Variants in FGF14 observed in about 807,000 individuals in gnomAD.
The protein encoded by FGF14 is fibroblast growth factor homologous factor 4.
A neutral mutation model predicts 25.5 loss-of-function variants in FGF14; 5 were observed. That is an observed-to-expected ratio of 0.20 (90% CI 0.10 to 0.41). The LOEUF (loss-of-function observed/expected upper bound fraction) is 0.41, where lower values mean the gene tolerates loss of function less well. Among genes scored for constraint, FGF14 ranks in the 10% least tolerant of loss-of-function variants. FGF14 has a pLI of 1.00. For missense variants in FGF14, 222 were observed against 320.1 expected (o/e 0.69, Z 2.34); for synonymous variants, 138 against 118.3 (o/e 1.17, Z -1.08).
intron 3 of FGF14, among the ~76,000 whole-genome samples, chr13:101,727,601 A>G (rs1230382186): frequency 6.6e-6 from 1 of 152,180 alleles, no homozygotes; most frequent in Non-Finnish European, 1.5e-5. Flanking sequence ...TACAATTATT[A>G]TTAATGTCAG....
chr13:102,094,734 C>T (rs952792539), intron 1 of FGF14, among the ~76,000 whole-genome samples: 1 of 152,146 alleles, frequency 6.6e-6, no homozygotes, highest in Non-Finnish European at 1.5e-5. Context: ...ACAATGAGAA[C>T]CCTTTTTCTG....
intron 1 of FGF14, among the ~76,000 whole-genome samples, chr13:102,332,760 T>C (rs572500043): frequency 6.6e-6 from 1 of 152,290 alleles, no homozygotes; most frequent in South Asian, 2.1e-4. Context: ...TTTTTACTTA[T>C]AAGTTTCTTA....
At chr13:102,332,255 A>G (rs2056655915) in intron 1 of FGF14, among the ~76,000 whole-genome samples, 1 of 152,182 alleles carries the variant, frequency 6.6e-6, no homozygotes, top group South Asian at 2.1e-4. Flanking sequence ...CTATTTCAAT[A>G]AATAGAAAAA....
chr13:102,382,989 T>C (rs1049565581), intron 1 of FGF14, among the ~76,000 whole-genome samples: 7 of 152,146 alleles, frequency 4.6e-5, no homozygotes, highest in Admixed American at 3.9e-4. Flanking sequence ...GGGATTTCTT[T>C]TTTAAGTTGA....
At chr13:102,341,810 G>C (rs1405010786) in intron 1 of FGF14, among the ~76,000 whole-genome samples, 1 of 152,156 alleles carries the variant, frequency 6.6e-6, no homozygotes, top group African/African-American at 2.4e-5. Flanking sequence ...ATACCAGATA[G>C]GTGCCCTGGA....
chr13:102,004,320 T>C (rs992063560), intron 1 of FGF14, among the ~76,000 whole-genome samples: 1 of 152,166 alleles, frequency 6.6e-6, no homozygotes, highest in Admixed American at 6.5e-5. Context: ...CAGAATGTTA[T>C]GTTCAATGCA....
chr13:102,110,420 T>C (rs1230173697), intron 1 of FGF14, among the ~76,000 whole-genome samples: 2 of 152,146 alleles, frequency 1.3e-5, no homozygotes, highest in Non-Finnish European at 2.9e-5. Context: ...GGATCTCCAG[T>C]GGTCTGCAGA....
At chr13:101,834,914 T>G (rs1418451636) in intron 3 of FGF14, among the ~76,000 whole-genome samples, 1 of 152,124 alleles carries the variant, frequency 6.6e-6, no homozygotes, top group Non-Finnish European at 1.5e-5. Context: ...AAGCAAATTC[T>G]GTAAATATTA....
At position 101,916,351 on chromosome 13, in the gene FGF14, G is replaced by A. The variant is rs139433889; in HGVS notation, c.193+102C>T. The A allele has an allele frequency of 3.7e-3, 5,331 of 1,425,762 alleles. 164 individuals are homozygous for A. In the African/African-American group the frequency reaches 0.063, roughly 17 times the overall value. 88.3% of individuals were successfully genotyped at this position (1,425,762 alleles called of 1,614,324 possible). A position where few individuals can be genotyped will look rare whatever the true frequency, so the allele number is the denominator to read the frequency against. ...GCTCAGAAGGGAGGCCGGGGCCGGGGTGGGCCGGGAAAACCGAGGGAGGGA... is the reference window on the plus strand; with the variant it reads ...GCTCAGAAGGGAGGCCGGGGCCGGGATGGGCCGGGAAAACCGAGGGAGGGA... On this transcript the variant is annotated intron_variant, in intron 1 of 4. Transcript: ENST00000376143.
chr13:101,782,943 G>T (rs1314493802), intron 3 of FGF14, among the ~76,000 whole-genome samples: 1 of 152,120 alleles, frequency 6.6e-6, no homozygotes, highest in African/African-American at 2.4e-5. Flanking sequence ...GGTCTTTGAG[G>T]AATTGTCACT....
intron 3 of FGF14, among the ~76,000 whole-genome samples, chr13:101,791,645 C>A (rs1339348979): frequency 6.6e-6 from 1 of 152,090 alleles, no homozygotes; most frequent in Non-Finnish European, 1.5e-5. Context: ...AGCAGACTGG[C>A]AGATTTCTAA....
At chr13:101,898,438 A>C (rs1420455035) in intron 1 of FGF14, among the ~76,000 whole-genome samples, 4 of 151,912 alleles carry the variant, frequency 2.6e-5, no homozygotes, top group Non-Finnish European at 4.4e-5. Flanking sequence ...ATTAAAACTT[A>C]GAGTGGAATA....
At chr13:102,060,322 G>A (rs374881947) in intron 1 of FGF14, among the ~76,000 whole-genome samples, 24 of 151,956 alleles carry the variant, frequency 1.6e-4, no homozygotes, top group African/African-American at 4.6e-4. Flanking sequence ...TCAAGAGATC[G>A]AGACCATCCT....
intron 1 of FGF14, among the ~76,000 whole-genome samples, chr13:102,296,076 G>A (rs2054694480): frequency 6.6e-6 from 1 of 151,574 alleles, no homozygotes; most frequent in Admixed American, 6.6e-5. Context: ...TGGAAGGTTA[G>A]AAAACCATTG....
Position 102,163,740 on chromosome 13 carries a change from C to T in FGF14, c.208+237731G>A, listed in dbSNP as rs184422449. ...CAAGGGAGCCTGGATTGGGAAGATT[C>T]GCAGGGACCATGTTTAGGAGTTTAG... On this transcript the variant is annotated intron_variant, in intron 1 of 4. Coordinates refer to the FGF14 transcript ENST00000376131. 5.8e-3 allele frequency among the ~76,000 whole-genome samples: 884 copies of T among 151,960 alleles called. 10 individuals carry two copies. The highest frequency in any genetic ancestry group is 0.019 in the African/African-American group (795 of 41,432).
chr13:101,736,504 T>G (rs555717961), intron 3 of FGF14, among the ~76,000 whole-genome samples: 1 of 152,300 alleles, frequency 6.6e-6, no homozygotes, highest in East Asian at 1.9e-4. Flanking sequence ...ACGTTTCCTA[T>G]TAATTGAATT....
chr13:102,332,830 T>G (rs950997040), intron 1 of FGF14, among the ~76,000 whole-genome samples: 1 of 152,186 alleles, frequency 6.6e-6, no homozygotes, highest in African/African-American at 2.4e-5. Flanking sequence ...AGTTTGCATA[T>G]ATATTTTAAG....
intron 3 of FGF14, among the ~76,000 whole-genome samples, chr13:101,740,594 A>AC (rs1169642378): frequency 2.0e-5 from 3 of 152,068 alleles, no homozygotes; most frequent in African/African-American, 7.2e-5. Context: ...AGCCTGTGGA[A>AC]CTGGATGACA....
chr13:102,068,782 C>T (rs557394136), intron 1 of FGF14, among the ~76,000 whole-genome samples: 5 of 152,310 alleles, frequency 3.3e-5, no homozygotes, highest in South Asian at 2.1e-4. Context: ...CTGTGCGGCC[C>T]GAGCCTCCCC....
Sources: gnomAD v4.1 joint callset for allele counts (sites outside exome capture counted in the v4.1 genomes callset) on GRCh38, gnomAD v4.1.1 for gene constraint, MANE v1.5 for transcripts, NCBI Gene and HGNC (gene_info 2026-07-23, HGNC 2026-07-21) for gene names.